ADORA1: variants seen among roughly 807,000 people sequenced by gnomAD.
ADORA1 encodes adenosine receptor A1.
In ADORA1, 6 loss-of-function variants were observed where a neutral mutation model predicts 19.9. The ratio of observed to expected loss-of-function variants is 0.30; its 90% CI spans 0.17 to 0.59. The LOEUF is 0.59. Among genes scored for constraint, ADORA1 ranks in the 20% least tolerant of loss-of-function variants. The probability of loss-of-function intolerance (pLI) is 0.87; values close to 1 mark genes in which losing one functional copy is unlikely to be tolerated. For synonymous variants in ADORA1, 194 were observed against 188.4 expected, an observed-to-expected ratio of 1.03 and a Z score of -0.24; for missense variants, 302 against 439.2, an observed-to-expected ratio of 0.69 and a Z score of 2.79.
At chr1:203,158,206 T>C (rs1020196107) in intron 3 of ADORA1, among the ~76,000 whole-genome samples, 17 of 152,202 alleles carry the variant, frequency 1.1e-4, no homozygotes, top group African/African-American at 4.1e-4. Context: ...AAAGAAACCA[T>C]ATAGCACCTT....
intron 3 of ADORA1, chr1:203,150,641 G>T: frequency 7.8e-7 from 1 of 1,289,756 alleles, no homozygotes; most frequent in Non-Finnish European, 1.0e-6. Context: ...GGTCCCAAAA[G>T]TGGTGTCTTC....
At chr1:203,135,338 C>G (rs1654470957) in intron 3 of ADORA1, among the ~76,000 whole-genome samples, 1 of 152,140 alleles carries the variant, frequency 6.6e-6, no homozygotes, top group Non-Finnish European at 1.5e-5. Context: ...TGTAACAAAC[C>G]TGCACATGTA....
At chr1:203,158,725 AG>A (rs1655270669) in intron 3 of ADORA1, among the ~76,000 whole-genome samples, 1 of 152,238 alleles carries the variant, frequency 6.6e-6, no homozygotes, top group Non-Finnish European at 1.5e-5. Context: ...TAATTTATAA[AG>A]AAAAGAAGTT....
chr1:203,165,918 C>A lies in ADORA1; in HGVS notation c.*18C>A. ...ATGACTAGACCCCGCCTTCCGCTCC[C>A]ACCAGCCCACATCCAGTGGGGTCTC... On this transcript the variant is annotated 3_prime_UTR_variant, in exon 4 of 4. Transcript: ENST00000337894. This position sits in a 1 kb window ranked among gnomAD's most constrained non-coding sequence, Gnocchi z 5.9. 1 of 1,534,970 alleles carries A rather than the reference C, an allele frequency of 6.5e-7. No individual in the cohort carries two copies. Among genetic ancestry groups the A allele is most frequent in the Non-Finnish European group, 8.8e-7 (1 of 1,140,964 alleles).
Position 203,154,586 on chromosome 1 carries a change from G to A in ADORA1, c.342-10675G>A, listed in dbSNP as rs552573162. On this transcript the variant is annotated intron_variant, in intron 3 of 3. Transcript: ENST00000337894. ...CGCACCCATGGTGGGCTTGTCTGGT[G>A]TGTGTTGGAGCCATGGAGGAGTCAT... is the stretch of plus-strand genomic sequence containing the variant. 9.6e-4 allele frequency among the ~76,000 whole-genome samples: 146 copies of A among 152,332 alleles called. 4 individuals carry two copies. The South Asian group carries it at 0.029, about 30-fold the overall frequency.
intron 3 of ADORA1, among the ~76,000 whole-genome samples, chr1:203,133,289 A>AT (rs1654400621): frequency 6.6e-6 from 1 of 151,792 alleles, no homozygotes; most frequent in Non-Finnish European, 1.5e-5. Context: ...CATTTTTTGT[A>AT]TTTTTAGTAG....
rs1490411478 is a variant in ADORA1 at position 203,162,960 on chromosome 1, C to T, written c.342-2301C>T. 5.3e-5 allele frequency among the ~76,000 whole-genome samples: 8 copies of T among 152,198 alleles called. 1 individual carries two copies. The highest frequency in any genetic ancestry group is 5.9e-5 in the Non-Finnish European group (4 of 68,048). On this transcript the variant is annotated intron_variant, in intron 3 of 3. Coordinates refer to ENST00000337894, the MANE Select transcript of ADORA1 (RefSeq NM_000674.3). ...CACCTGGGGATCTGGCCCCACTCTC[C>T]GCTGTGTGGCTGCTGAGACAGCATC...
At position 203,166,090 on chromosome 1, in the gene ADORA1, G is replaced by A; in HGVS notation, c.*190G>A. ...GGAGTTAACTACCCTACACCTCTGGGCCCTGCAGGAGGCCTGGGAGGGCAA... is the reference window on the plus strand; with the variant it reads ...GGAGTTAACTACCCTACACCTCTGGACCCTGCAGGAGGCCTGGGAGGGCAA... On this transcript the variant is annotated 3_prime_UTR_variant, in exon 4 of 4. Coordinates refer to ENST00000337894, the MANE Select transcript of ADORA1 (RefSeq NM_000674.3). The A allele has an allele frequency of 2.8e-6, 2 of 717,408 alleles. No homozygotes were observed. The highest frequency in any genetic ancestry group is 4.1e-6 in the Non-Finnish European group (2 of 491,306). 44.4% of individuals were successfully genotyped at this position (717,408 alleles called of 1,614,324 possible).
Position 203,128,280 on chromosome 1 carries a change from C to A in ADORA1, c.-210C>A. Reference sequence around the variant, plus strand: ...CGTACCATGTGATTGCTTGAAAGGCCGGGCTGGGAGCGCTGCGGCGGGAGC... The same window carrying A: ...CGTACCATGTGATTGCTTGAAAGGCAGGGCTGGGAGCGCTGCGGCGGGAGC... On this transcript the variant is annotated splice_region_variant and 5_prime_UTR_variant, in exon 2 of 4. Transcript: ENST00000337894. The surrounding 1 kb of genome is among the most constrained non-coding windows in gnomAD (Gnocchi z 5.9). The A allele has an allele frequency of 7.9e-7, 1 of 1,261,484 alleles. No individual in the cohort carries two copies. Among genetic ancestry groups the A allele is most frequent in the Non-Finnish European group, 1.0e-6 (1 of 968,038 alleles). The allele number at this position is 1,261,484 out of a possible 1,614,324, so 78.1% of individuals were successfully genotyped here. A position where few individuals can be genotyped will look rare whatever the true frequency, so the allele number is the denominator to read the frequency against.
Position 203,165,328 on chromosome 1 carries a change from G to A in ADORA1, c.409G>A (p.Val137Met), listed in dbSNP as rs770382721. Residue 137 changes from valine (V) to methionine (M), a missense_variant, in exon 4 of 4, where the codon GTG becomes ATG. Coordinates refer to ENST00000337894, the MANE Select transcript of ADORA1 (RefSeq NM_000674.3). The surrounding 1 kb of genome is among the most constrained non-coding windows in gnomAD (Gnocchi z 5.9). ...AGCCGGCTGCTGGATCCTCTCCTTCGTGGTGGGACTGACCCCTATGTTTGG... is the reference window on the plus strand; with the variant it reads ...AGCCGGCTGCTGGATCCTCTCCTTCATGGTGGGACTGACCCCTATGTTTGG... ...AIAGCWILSF[V>M]VGLTPMFGWN... The A allele has an allele frequency of 1.5e-5, 24 of 1,573,294 alleles. No individual in the cohort carries two copies. The highest frequency in any genetic ancestry group is 7.2e-5 in the Admixed American group (4 of 55,428).
At chr1:203,150,024 C>T (rs988472296) in intron 3 of ADORA1, 4 of 152,298 alleles carry the variant, frequency 2.6e-5, no homozygotes, top group African/African-American at 4.8e-5. Flanking sequence ...ACTTCGTCTT[C>T]GCCCTTCAGG....
chr1:203,139,483 T>C (rs1300928719), intron 3 of ADORA1, among the ~76,000 whole-genome samples: 1 of 152,166 alleles, frequency 6.6e-6, no homozygotes, highest in East Asian at 1.9e-4. Context: ...GTGACTAGGC[T>C]CAGGAAGTCT....
chr1:203,133,130 T>G (rs1416473019), intron 3 of ADORA1, among the ~76,000 whole-genome samples: 12 of 151,992 alleles, frequency 7.9e-5, no homozygotes, highest in Non-Finnish European at 1.5e-4. Context: ...TTTTTTTTTT[T>G]TGAGATGGAG....
At chr1:203,158,929 GC>G (rs1018920826) in intron 3 of ADORA1, among the ~76,000 whole-genome samples, 1 of 152,208 alleles carries the variant, frequency 6.6e-6, no homozygotes, top group Admixed American at 6.5e-5. Flanking sequence ...AGCCACTTCT[GC>G]AATTAATGGC....
intron 3 of ADORA1, among the ~76,000 whole-genome samples, chr1:203,163,424 A>G (rs1347725937): frequency 1.3e-5 from 2 of 152,150 alleles, no homozygotes; most frequent in African/African-American, 4.8e-5. Flanking sequence ...AGAGGAGGGA[A>G]TGGGCTTCAA....
intron 3 of ADORA1, among the ~76,000 whole-genome samples, chr1:203,158,530 C>T (rs1177110850): frequency 1.3e-5 from 2 of 152,188 alleles, no homozygotes; most frequent in East Asian, 3.9e-4. Flanking sequence ...CCTTAATGCT[C>T]CATTTATGGC....
chr1:203,144,331 T>C (rs993772451), intron 3 of ADORA1, among the ~76,000 whole-genome samples: 1 of 152,194 alleles, frequency 6.6e-6, no homozygotes, highest in Non-Finnish European at 1.5e-5. Flanking sequence ...CAGTGGTGGA[T>C]AGTTTCTGCT....
chr1:203,128,809 C>A lies in ADORA1; in HGVS notation c.-33C>A. 2.6e-6 allele frequency: 4 copies of A among 1,557,960 alleles called. No homozygotes were observed. The highest frequency in any genetic ancestry group is 3.5e-6 in the Non-Finnish European group (4 of 1,155,526). ...GGTGCTTGCCTCGTGCCCCTTGGTG[C>A]CCGTCTGCTGATGTGCCCAGCCTGT... On this transcript the variant is annotated 5_prime_UTR_variant, in exon 3 of 4. Transcript: ENST00000337894. This position sits in a 1 kb window ranked among gnomAD's most constrained non-coding sequence, Gnocchi z 5.9.
chr1:203,164,854 C>T (rs1051849417), intron 3 of ADORA1, among the ~76,000 whole-genome samples: 3 of 152,166 alleles, frequency 2.0e-5, no homozygotes, highest in South Asian at 4.1e-4. Context: ...TCCTCATCTG[C>T]CAATTGGGCA....
Sources: allele counts gnomAD v4.1 joint callset (sites outside exome capture counted in the v4.1 genomes callset), GRCh38; gene constraint gnomAD v4.1.1; non-coding constraint Gnocchi (gnomAD v3.1); transcripts MANE v1.5; gene names NCBI Gene and HGNC (gene_info 2026-07-23, HGNC 2026-07-21).